The following TEX9 variants were observed in gnomAD, a reference collection of about 807,000 sequenced individuals.
The protein encoded by TEX9 is testis expressed 9, also known as testis-expressed protein 9.
Under a neutral mutation model 59.6 loss-of-function variants are expected in TEX9, and 74 were observed. The observed-to-expected ratio is 1.24, with a 90% CI of 1.03 to 1.51. The LOEUF (loss-of-function observed/expected upper bound fraction) is 1.51. TEX9 is among the 40% of genes most tolerant of loss of function. The pLI is 0.00. For synonymous variants in TEX9, 186 were observed against 152.2 expected (o/e 1.22, Z -1.64); for missense variants, 522 against 447.8 (o/e 1.17, Z -1.49).
chr15:56,438,511 T>C (rs2050766461), intron 12 of TEX9, among the ~76,000 whole-genome samples: 1 of 152,112 alleles, frequency 6.6e-6, no homozygotes, highest in South Asian at 2.1e-4. Flanking sequence ...GATTAAAGAC[T>C]TACATGTTAG....
chr15:56,458,193 T>G, the TEX9 span, among the ~76,000 whole-genome samples: 19 of 152,354 alleles, frequency 1.2e-4, no homozygotes, highest in African/African-American at 3.8e-4. Context: ...ATAATTCATA[T>G]AGCATAAAAT....
chr15:56,359,332 C>T (rs1037984759), intron 1 of TEX9, among the ~76,000 whole-genome samples: 1 of 152,082 alleles, frequency 6.6e-6, no homozygotes, highest in Non-Finnish European at 1.5e-5. Flanking sequence ...TCATCTCAAA[C>T]AGAAACTCTG....
chr15:56,395,152 C>T (rs1303553410), intron 9 of TEX9: 2 of 332,600 alleles, frequency 6.0e-6, no homozygotes, highest in East Asian at 9.4e-5. Flanking sequence ...CCTTACAGCC[C>T]TAGGCAACCA....
chr15:56,334,907 G>T (rs1280215873), intron 1 of TEX9, among the ~76,000 whole-genome samples: 1 of 152,096 alleles, frequency 6.6e-6, no homozygotes, highest in East Asian at 1.9e-4. Context: ...ATGAAAAGGT[G>T]CTCAACTAAA....
intron 2 of TEX9, among the ~76,000 whole-genome samples, chr15:56,366,636 G>T (rs2046958861): frequency 6.6e-6 from 1 of 152,096 alleles, no homozygotes; most frequent in South Asian, 2.1e-4. Flanking sequence ...GGCGATGTCT[G>T]TTTTATTTGC....
At chr15:56,384,077 A>G (rs760271928) in intron 4 of TEX9, 46 bp downstream of exon 4, 4 of 1,413,756 alleles carry the variant, frequency 2.8e-6, no homozygotes, top group Admixed American at 1.9e-5. Flanking sequence ...AAGGATGTAC[A>G]TGGATCGTTA....
intron 1 of TEX9, among the ~76,000 whole-genome samples, chr15:56,254,580 A>G (rs2044100920): frequency 6.6e-6 from 1 of 151,500 alleles, no homozygotes; most frequent in Non-Finnish European, 1.5e-5. Context: ...AAGTTGACCC[A>G]CATCAAGCAG....
intron 10 of TEX9, among the ~76,000 whole-genome samples, chr15:56,417,396 T>C (rs1360210153): frequency 2.0e-5 from 3 of 151,950 alleles, no homozygotes. Context: ...TGGTATGTTA[T>C]ATCTTTGTTG....
intron 1 of TEX9, among the ~76,000 whole-genome samples, chr15:56,280,876 G>A (rs1939039992): frequency 6.6e-6 from 1 of 152,180 alleles, no homozygotes; most frequent in South Asian, 2.1e-4. Context: ...GCATAGATCT[G>A]CTAAAGTAAT....
upstream of TEX9, among the ~76,000 whole-genome samples, chr15:56,360,780 C>A (rs2046774893): frequency 6.6e-6 from 1 of 152,142 alleles, no homozygotes; most frequent in African/African-American, 2.4e-5. Context: ...ATACAACAGG[C>A]CTTCCTCTGT....
chr15:56,377,459 G>A (rs920816932), intron 3 of TEX9, among the ~76,000 whole-genome samples: 1 of 152,002 alleles, frequency 6.6e-6, no homozygotes, highest in East Asian at 1.9e-4. Context: ...TTGTTGTAGA[G>A]ATCTGTTACT....
chr15:56,426,474 A>C (rs572339798), intron 10 of TEX9, among the ~76,000 whole-genome samples: 1 of 150,748 alleles, frequency 6.6e-6, no homozygotes, highest in South Asian at 2.1e-4. Flanking sequence ...TCTGTGTATC[A>C]TATAGTCAGT....
chr15:56,348,972 T>G (rs1208656558), intron 1 of TEX9, among the ~76,000 whole-genome samples: 1 of 152,036 alleles, frequency 6.6e-6, no homozygotes, highest in African/African-American at 2.4e-5. Flanking sequence ...TACGGACCTA[T>G]CTTCAGGTTC....
At chr15:56,332,556 T>A (rs368708904) in intron 1 of TEX9, among the ~76,000 whole-genome samples, 1 of 151,044 alleles carries the variant, frequency 6.6e-6, no homozygotes, top group Non-Finnish European at 1.5e-5. Flanking sequence ...CCAGCATGGC[T>A]CATGTATACA....
intron 1 of TEX9, among the ~76,000 whole-genome samples, chr15:56,273,228 C>T (rs1018123829): frequency 6.6e-6 from 1 of 152,094 alleles, no homozygotes; most frequent in Non-Finnish European, 1.5e-5. Flanking sequence ...ACTGGGATTG[C>T]AGTACCACAC....
chr15:56,246,013 G>C (rs2043844780), intron 1 of TEX9, among the ~76,000 whole-genome samples: 1 of 152,110 alleles, frequency 6.6e-6, no homozygotes, highest in Non-Finnish European at 1.5e-5. Context: ...AAGTGGGAGA[G>C]TCATCGAGGG....
chr15:56,444,051 TC>T (rs1567151275), intron 12 of TEX9, among the ~76,000 whole-genome samples: 1 of 152,036 alleles, frequency 6.6e-6, no homozygotes, highest in Non-Finnish European at 1.5e-5. Context: ...TGTGATAGTC[TC>T]CTCTAACCTA....
At chr15:56,417,406 G>T (rs556239447) in intron 10 of TEX9, among the ~76,000 whole-genome samples, 1 of 151,252 alleles carries the variant, frequency 6.6e-6, no homozygotes. Context: ...TATCTTTGTT[G>T]TTATTTTCAA....
intron 9 of TEX9, among the ~76,000 whole-genome samples, chr15:56,399,841 CAG>C (rs543782343): frequency 3.9e-5 from 6 of 152,316 alleles, no homozygotes; most frequent in East Asian, 3.9e-4. Flanking sequence ...CCCAGGCAAA[CAG>C]GGTGTGGAGT....
Sources: allele counts gnomAD v4.1 joint callset (sites outside exome capture counted in the v4.1 genomes callset), GRCh38; gene constraint gnomAD v4.1.1; transcripts MANE v1.5; gene names NCBI Gene and HGNC (gene_info 2026-07-23, HGNC 2026-07-21).